The following MICAL2 variants were observed in gnomAD, a reference collection of about 807,000 sequenced individuals.
The protein encoded by MICAL2 is [F-actin]-monooxygenase MICAL2.
In MICAL2, 77 loss-of-function variants were observed where a neutral mutation model predicts 127.3. The ratio of observed to expected loss-of-function variants is 0.60; its 90% CI spans 0.50 to 0.73. The LOEUF is 0.73. Among genes scored for constraint, MICAL2 ranks in the 30% least tolerant of loss-of-function variants. The pLI is 0.00. For synonymous variants in MICAL2, 570 were observed against 551.1 expected, an observed-to-expected ratio of 1.03 and a Z score of -0.48; for missense variants, 1,351 against 1,434.4, an observed-to-expected ratio of 0.94 and a Z score of 0.94.
chr11:12,209,010 G>C (rs1263016504), intron 5 of MICAL2, among the ~76,000 whole-genome samples: 1 of 137,262 alleles, frequency 7.3e-6, no homozygotes, highest in Non-Finnish European at 1.5e-5. Flanking sequence ...AATTAGCCAG[G>C]CTTCACCTGA....
At chr11:12,292,083 C>G, downstream of MICAL2, 1 of 1,550,412 alleles carries the variant, frequency 6.4e-7, no homozygotes, top group Non-Finnish European at 8.7e-7. Flanking sequence ...TTAAAGCCTC[C>G]TCTTTTCTTG....
Position 12,256,866 on chromosome 11 carries a change from G to A in MICAL2, c.3037G>A (p.Glu1013Lys). The change falls in exon 24 of 28, where the codon GAA becomes AAA. Residue 1013 changes from glutamate (E) to lysine (K), a missense_variant. Physicochemically the swap from Glu to Lys is moderately conservative, Grantham distance 56. This residue lies in a region of MICAL2 where 752 missense variants were observed against 719.4 expected (regional missense o/e 1.05). Transcript: ENST00000683283. ...YFCKKRVYVM[E>K]RLSAEGHFFH... is the part of the protein sequence containing the mutation. ...CTGTAAGAAACGTGTGTACGTGATG[G>A]AACGGCTGAGCGCCGAGGGCCACTT... is the stretch of plus-strand genomic sequence containing the variant. 1 of 1,614,224 alleles carries A rather than the reference G, an allele frequency of 6.2e-7. No individual in the cohort carries two copies. The highest frequency in any genetic ancestry group is 8.5e-7 in the Non-Finnish European group (1 of 1,180,026).
At chr11:12,172,539 G>A (rs1856395776) in intron 3 of MICAL2, among the ~76,000 whole-genome samples, 2 of 152,074 alleles carry the variant, frequency 1.3e-5, no homozygotes, top group African/African-American at 2.4e-5. Flanking sequence ...AAACAAGGTG[G>A]GAGACATCAT....
At chr11:12,144,476 G>A (rs1565031231) in intron 2 of MICAL2, among the ~76,000 whole-genome samples, 1 of 152,104 alleles carries the variant, frequency 6.6e-6, no homozygotes. Flanking sequence ...TCTGGGCCCT[G>A]GAACCTATGA....
At chr11:12,192,484 T>C (rs184362381) in intron 3 of MICAL2, among the ~76,000 whole-genome samples, 5 of 152,304 alleles carry the variant, frequency 3.3e-5, no homozygotes. Context: ...AAACGATTTC[T>C]CCTCAGAAGC....
chr11:12,267,005 C>T (rs1037953887), downstream of MICAL2, among the ~76,000 whole-genome samples: 3 of 152,248 alleles, frequency 2.0e-5, no homozygotes, highest in Non-Finnish European at 4.4e-5. Flanking sequence ...CCTGACAGGA[C>T]ACCTTCAGGT....
intron 2 of MICAL2, among the ~76,000 whole-genome samples, chr11:12,282,651 G>A (rs1477875285): frequency 6.6e-6 from 1 of 152,140 alleles, no homozygotes; most frequent in Non-Finnish European, 1.5e-5. Context: ...CATTTAAAAG[G>A]AAACACAGAA....
At position 12,249,203 on chromosome 11, in the gene MICAL2, G is replaced by A; in HGVS notation, c.2804G>A (p.Gly935Glu). The stretch of plus-strand genomic sequence containing the variant: ...CTAAAGGAAAAGAAGTCACCTTCAG[G>A]GTTCCATTTTCATCCCAGCCATTTG... Reference protein sequence around the residue: ...PARKEKKSPSGFHFHPSHLRT... With the variant: ...PARKEKKSPSEFHFHPSHLRT... Residue 935 changes from glycine (G) to glutamate (E), a missense_variant, in exon 22 of 28, where the codon GGG (glycine) becomes GAG (glutamate). This residue lies in a region of MICAL2 where 752 missense variants were observed against 719.4 expected (regional missense o/e 1.05). Transcript: ENST00000683283. The A allele has an allele frequency of 1.2e-6, 2 of 1,613,620 alleles. No individual in the cohort carries two copies. The highest frequency in any genetic ancestry group is 1.7e-6 in the Non-Finnish European group (2 of 1,179,612).
At chr11:12,357,410 A>G (rs1589926329) in intron 34 of MICAL2, among the ~76,000 whole-genome samples, 1 of 152,228 alleles carries the variant, frequency 6.6e-6, no homozygotes, top group Admixed American at 6.5e-5. Flanking sequence ...CCAATTATCA[A>G]GAAGGTCAGG....
rs201126346 is a variant in MICAL2 at position 12,241,047 on chromosome 11, G to A, written c.2222G>A (p.Arg741His). 6.8e-5 allele frequency: 110 copies of A among 1,613,648 alleles called. No individual in the cohort carries two copies. The highest frequency in any genetic ancestry group is 8.8e-5 in the Non-Finnish European group (104 of 1,179,888). Reference sequence around the variant, plus strand: ...TCGCCTTTCTTCTCCCAGGAACGCCGTGTCTCAGGGATAGGTAAGCCGGTC... The same window carrying A: ...TCGCCTTTCTTCTCCCAGGAACGCCATGTCTCAGGGATAGGTAAGCCGGTC... Reference protein sequence around the residue: ...RNPSLMKQERRVSGIGKPVLC... With the variant: ...RNPSLMKQERHVSGIGKPVLC... The change falls in exon 18 of 28, where the codon CGT (arginine) becomes CAT (histidine). Residue 741 changes from arginine (R) to histidine (H), a missense_variant. Physicochemically the swap from Arg to His is conservative, Grantham distance 29. This residue lies in a region of MICAL2 where 752 missense variants were observed against 719.4 expected (regional missense o/e 1.05). Transcript: ENST00000683283.
chr11:12,260,781 G>A, intron 26 of MICAL2: 1 of 985,416 alleles, frequency 1.0e-6, no homozygotes, highest in South Asian at 4.7e-5. Flanking sequence ...CTGTCCCCCT[G>A]GGAGGAGGAC....
chr11:12,246,772 A>G (rs1860813352), intron 21 of MICAL2, among the ~76,000 whole-genome samples: 1 of 152,154 alleles, frequency 6.6e-6, no homozygotes, highest in Non-Finnish European at 1.5e-5. Flanking sequence ...ACCCTCAGTA[A>G]ACAAATATTT....
At chr11:12,349,299 T>C (rs1395763129) in intron 32 of MICAL2, among the ~76,000 whole-genome samples, 1 of 152,144 alleles carries the variant, frequency 6.6e-6, no homozygotes, top group Admixed American at 6.5e-5. Flanking sequence ...CTAATAACTT[T>C]TGTATTATTA....
At chr11:12,321,391 G>T (rs1864293660) in intron 30 of MICAL2, among the ~76,000 whole-genome samples, 1 of 152,180 alleles carries the variant, frequency 6.6e-6, no homozygotes, top group Non-Finnish European at 1.5e-5. Flanking sequence ...GACCATGACA[G>T]CTCAAATGAA....
exon 1 of MICAL2, chr11:12,276,141 G>T (rs1347269051): frequency 5.0e-6 from 2 of 399,122 alleles, no homozygotes; most frequent in African/African-American, 4.1e-5. Flanking sequence ...GGCTGTGCGT[G>T]TCCTGGTCAC....
At chr11:12,128,868 T>C (rs569469341) in intron 1 of MICAL2, among the ~76,000 whole-genome samples, 1 of 152,332 alleles carries the variant, frequency 6.6e-6, no homozygotes, top group African/African-American at 2.4e-5. Flanking sequence ...CTTCATAGGG[T>C]TGTTATGAGA....
chr11:12,138,042 C>T (rs966017830), intron 1 of MICAL2, among the ~76,000 whole-genome samples: 5 of 152,204 alleles, frequency 3.3e-5, no homozygotes, highest in Admixed American at 6.5e-5. Flanking sequence ...GTGTCTCACA[C>T]TTAAAAATTC....
intron 29 of MICAL2, among the ~76,000 whole-genome samples, chr11:12,313,424 A>T (rs1864197798): frequency 6.6e-6 from 1 of 152,006 alleles, no homozygotes; most frequent in Non-Finnish European, 1.5e-5. Flanking sequence ...TGCTTCTGAG[A>T]CCCTACAATT....
chr11:12,166,086 G>A (rs974064260), intron 3 of MICAL2, among the ~76,000 whole-genome samples: 1 of 152,138 alleles, frequency 6.6e-6, no homozygotes, highest in South Asian at 2.1e-4. Context: ...GGAGGAAAAC[G>A]ACCCAGAAGA....
Sources: gnomAD v4.1 joint callset for allele counts (sites outside exome capture counted in the v4.1 genomes callset) on GRCh38, gnomAD v4.1.1 for gene constraint, gnomAD v4.1.1 regional missense constraint, MANE v1.5 for transcripts, NCBI Gene and HGNC (gene_info 2026-07-23, HGNC 2026-07-21) for gene names.